The following CTSG variants were observed in gnomAD, a reference collection of about 807,000 sequenced individuals.
The protein encoded by CTSG is cathepsin G.
A neutral mutation model predicts 23.0 loss-of-function variants in CTSG; 23 were observed. The observed-to-expected ratio is 1.00, with a 90% confidence interval of 0.72 to 1.42. The LOEUF is 1.42. CTSG is among the 40% of genes most tolerant of loss of function. The pLI is 0.00. For synonymous variants in CTSG, 140 were observed against 130.4 expected (o/e 1.07, Z -0.50); for missense variants, 312 against 326.2 (o/e 0.96, Z 0.33).
intron 4 of CTSG, 28 bp from the exon 5 acceptor site, chr14:24,573,838 G>A: frequency 6.3e-7 from 1 of 1,596,304 alleles, no homozygotes; most frequent in African/African-American, 1.3e-5. Context: ...AAGGGAGACT[G>A]AGACAGGCCT....
rs2066729454 is a variant in CTSG at position 24,574,277 on chromosome 14, C to G, written c.562G>C (p.Gly188Arg). 1 of 1,600,150 alleles carries G rather than the reference C, an allele frequency of 6.2e-7. No individual in the cohort carries two copies. Among genetic ancestry groups the G allele is most frequent in the African/African-American group, 1.3e-5 (1 of 74,924 alleles). The change falls in exon 4 of 5, where the codon GGG becomes CGG. Residue 188 changes from glycine (G) to arginine (R), a missense_variant. Transcript: ENST00000216336. The part of the protein sequence containing the change: ...SYDPRRQICV[G>R]DRRERKAAFK... ...GCAGCCTTCCGTTCCCGCCGGTCCC[C>G]CACACAAATCTGCCTTCGGGGGTCG...
At position 24,576,215 on chromosome 14, in the gene CTSG, T is replaced by A. The variant is rs755472330; in HGVS notation, c.9A>T (p.Pro3=). The change falls in exon 1 of 5, where the codon CCA becomes CCT. Residue 3 remains proline, a synonymous_variant. Coordinates refer to ENST00000216336, the MANE Select transcript of CTSG (RefSeq NM_001911.3). The stretch of plus-strand genomic sequence containing the variant: ...GGAGAAAGGCCAGCAGAAGCAGGAG[T>A]GGCTGCATCTTTCCTGAAAGGCTGC... The part of the protein sequence containing the change: MQ[P]LLLLLAFLLP... 1.2e-5 allele frequency: 20 copies of A among 1,607,732 alleles called. 2 individuals are homozygous for A. In the South Asian group the frequency reaches 2.0e-4, roughly 16 times the overall value.
chr14:24,575,411 C>G lies in CTSG; in HGVS notation c.57G>C (p.Gly19=). The G allele has an allele frequency of 4.3e-6, 7 of 1,614,142 alleles. No individual in the cohort carries two copies. The highest frequency in any genetic ancestry group is 5.9e-6 in the Non-Finnish European group (7 of 1,180,034). The change falls in exon 2 of 5, where the codon GGG becomes GGC. Residue 19 remains glycine, a splice_region_variant and synonymous_variant. Coordinates refer to ENST00000216336, the MANE Select transcript of CTSG (RefSeq NM_001911.3). ...TGCTCTCCCGGCCTCCGATGATCTC[C>G]CCTGGAAGGAAGCATTTGGCACTTA... is the stretch of plus-strand genomic sequence containing the variant. The part of the protein sequence containing the change: ...AFLLPTGAEA[G]EIIGGRESRP...
chr14:24,575,561 T>C (rs1170259149), intron 1 of CTSG, 149 bp from the exon 2 acceptor site: 2 of 815,620 alleles, frequency 2.5e-6, no homozygotes, highest in African/African-American at 3.4e-5. Context: ...TTGGAGTCTA[T>C]GGGGCAGCAG....
chr14:24,573,819 A>G lies in CTSG; in HGVS notation c.595-9T>C. The G allele has an allele frequency of 1.2e-6, 2 of 1,611,622 alleles. No individual in the cohort carries two copies. The highest frequency in any genetic ancestry group is 2.2e-5 in the East Asian group (1 of 44,854). On this transcript the variant is annotated splice_polypyrimidine_tract_variant and intron_variant, in intron 4 of 4. Transcript: ENST00000216336. ...GGGCCTCCGGAATCCCCCTGTAGGTAGAGAGGAGAAGGGAGACTGAGACAG... is the reference window on the plus strand; with the variant it reads ...GGGCCTCCGGAATCCCCCTGTAGGTGGAGAGGAGAAGGGAGACTGAGACAG...
In CTSG at chr14:24,575,430, G is replaced by A; in HGVS notation, c.56-18C>T. The A allele has an allele frequency of 1.9e-6, 3 of 1,613,860 alleles. No homozygotes were observed. The highest frequency in any genetic ancestry group is 2.5e-6 in the Non-Finnish European group (3 of 1,179,980). Reference sequence around the variant, plus strand: ...GATCTCCCCTGGAAGGAAGCATTTGGCACTTAGCTCTATGCTTGCTGAACC... The same window carrying A: ...GATCTCCCCTGGAAGGAAGCATTTGACACTTAGCTCTATGCTTGCTGAACC... On this transcript the variant is annotated intron_variant, in intron 1 of 4. Transcript: ENST00000216336.
chr14:24,575,440 CT>C lies in CTSG; in HGVS notation c.56-29del, dbSNP rs756051936. 1.9e-6 allele frequency: 3 copies of C among 1,613,310 alleles called. No individual in the cohort carries two copies. The East Asian group carries it at 6.7e-5, about 36-fold the overall frequency. On this transcript the variant is annotated intron_variant, in intron 1 of 4. Transcript: ENST00000216336. ...GGAAGGAAGCATTTGGCACTTAGCT[CT>C]ATGCTTGCTGAACCTGCAATGTGGG...
rs2066729323 is a variant in CTSG at position 24,574,267 on chromosome 14, C to T, written c.572G>A (p.Arg191Gln). The T allele has an allele frequency of 6.3e-7, 1 of 1,599,908 alleles. No homozygotes were observed. Among genetic ancestry groups the T allele is most frequent in the Non-Finnish European group, 8.5e-7 (1 of 1,179,946 alleles). ...TACCTTGAAGGCAGCCTTCCGTTCCCGCCGGTCCCCCACACAAATCTGCCT... is the reference window on the plus strand; with the variant it reads ...TACCTTGAAGGCAGCCTTCCGTTCCTGCCGGTCCCCCACACAAATCTGCCT... ...PRRQICVGDR[R>Q]ERKAAFKGDS... Residue 191 changes from arginine (R) to glutamine (Q), a missense_variant, in exon 4 of 5, where the codon CGG becomes CAG. By Grantham distance (43) the Arg-to-Gln change is conservative (BLOSUM62 1). Transcript: ENST00000216336.
rs367993614 is a variant in CTSG at position 24,575,423 on chromosome 14, G to A, written c.56-11C>T. On this transcript the variant is annotated splice_polypyrimidine_tract_variant and intron_variant, in intron 1 of 4. Coordinates refer to ENST00000216336, the MANE Select transcript of CTSG (RefSeq NM_001911.3). ...CTCCGATGATCTCCCCTGGAAGGAA[G>A]CATTTGGCACTTAGCTCTATGCTTG... 51 of 1,614,020 alleles carry A rather than the reference G, an allele frequency of 3.2e-5. No individual in the cohort carries two copies. The African/African-American group carries it at 5.6e-4, about 18-fold the overall frequency.
rs770999519 is a variant in CTSG, at chr14:24,574,695, T to A, written c.319A>T (p.Asn107Tyr). 4.3e-6 allele frequency: 7 copies of A among 1,613,980 alleles called. No individual in the cohort carries two copies. The Admixed American group carries it at 1.2e-4, about 27-fold the overall frequency. Residue 107 changes from asparagine to tyrosine, a missense_variant, in exon 3 of 5, where the codon AAT (asparagine) becomes TAT (tyrosine). By Grantham distance (143) the Asn-to-Tyr change is moderately radical. Transcript: ENST00000216336. ...GGTACCTGCAATAACATGATGTCAT[T>A]CTGGATGGTCCGCTGATTATATTGA... ...HPQYNQRTIQ[N>Y]DIMLLQLSRR...
rs371809135 is a variant in CTSG at position 24,573,576 on chromosome 14, C to T, written c.*61G>A. 9.5e-5 allele frequency: 141 copies of T among 1,477,628 alleles called. 1 individual carries two copies. The African/African-American group carries it at 1.6e-3, about 17-fold the overall frequency. 91.5% of individuals were successfully genotyped at this position (1,477,628 alleles called of 1,614,324 possible). ...GAATTGGTTATTTATACTCTGTGGA[C>T]GTTTATTAAGGCTCTGGCAACACTG... On this transcript the variant is annotated 3_prime_UTR_variant, in exon 5 of 5. Coordinates refer to ENST00000216336, the MANE Select transcript of CTSG (RefSeq NM_001911.3).
Position 24,574,456 on chromosome 14 carries a change from G to A in CTSG, c.383C>T (p.Ala128Val). ...CAGTCCCTCCTGGGCTCTAGGCAGAGCCACTGGGTTCACGTTTCGATTCCG... is the reference window on the plus strand; with the variant it reads ...CAGTCCCTCCTGGGCTCTAGGCAGAACCACTGGGTTCACGTTTCGATTCCG... ...VRRNRNVNPV[A>V]LPRAQEGLRP... The change falls in exon 4 of 5, where the codon GCT becomes GTT. Residue 128 changes from alanine to valine, a missense_variant. By Grantham distance (64) the Ala-to-Val change is moderately conservative. Transcript: ENST00000216336. 1.2e-6 allele frequency: 2 copies of A among 1,613,974 alleles called. No homozygotes were observed. Among genetic ancestry groups the A allele is most frequent in the Non-Finnish European group, 1.7e-6 (2 of 1,180,032 alleles).
At chr14:24,575,822 C>T (rs935794684) in intron 1 of CTSG, among the ~76,000 whole-genome samples, 1 of 152,136 alleles carries the variant, frequency 6.6e-6, no homozygotes, top group Non-Finnish European at 1.5e-5. Flanking sequence ...TTCAAGACCA[C>T]GTGGGACTGG....
chr14:24,575,410 C>G lies in CTSG; in HGVS notation c.58G>C (p.Glu20Gln). The stretch of plus-strand genomic sequence containing the variant: ...CTGCTCTCCCGGCCTCCGATGATCT[C>G]CCCTGGAAGGAAGCATTTGGCACTT... ...FLLPTGAEAGEIIGGRESRPH... is the reference protein window; with the variant it reads ...FLLPTGAEAGQIIGGRESRPH... Residue 20 changes from glutamate (E) to glutamine (Q), a missense_variant and splice_region_variant, in exon 2 of 5, where the codon GAG becomes CAG. Physicochemically the swap from Glu to Gln is conservative, Grantham distance 29. Coordinates refer to ENST00000216336, the MANE Select transcript of CTSG (RefSeq NM_001911.3). The G allele has an allele frequency of 6.2e-7, 1 of 1,614,116 alleles. No individual in the cohort carries two copies. The highest frequency in any genetic ancestry group is 8.5e-7 in the Non-Finnish European group (1 of 1,180,032).
intron 1 of CTSG, 109 bp from the exon 2 acceptor site, chr14:24,575,521 T>C: frequency 8.4e-7 from 1 of 1,188,202 alleles, no homozygotes; most frequent in Non-Finnish European, 1.2e-6. Context: ...GGAGAGAGGG[T>C]GCAGGAGAGG....
intron 4 of CTSG, 30 bp downstream of exon 4, chr14:24,574,215 G>C (rs1465526260): frequency 6.3e-7 from 1 of 1,598,404 alleles, no homozygotes. Context: ...CCTCTCTCCC[G>C]GGGTGTGTTG....
Position 24,574,411 on chromosome 14 carries a change from G to C in CTSG, c.428C>G (p.Thr143Ser), listed in dbSNP as rs1231030055. 3.1e-6 allele frequency: 5 copies of C among 1,613,288 alleles called. No homozygotes were observed. Among genetic ancestry groups the C allele is most frequent in the Non-Finnish European group, 4.2e-6 (5 of 1,180,032 alleles). Residue 143 changes from threonine to serine, a missense_variant, in exon 4 of 5, where the codon ACT (threonine) becomes AGT (serine). By Grantham distance (58) the Thr-to-Ser change is moderately conservative (BLOSUM62 1). Coordinates refer to ENST00000216336, the MANE Select transcript of CTSG (RefSeq NM_001911.3). ...GCTGACCCTGCCCCAGCCGGCCACA[G>C]TGCACAGCGTCCCGGGTCTCAGTCC... is the stretch of plus-strand genomic sequence containing the variant. ...QEGLRPGTLCTVAGWGRVSMR... is the reference protein window; with the variant it reads ...QEGLRPGTLCSVAGWGRVSMR...
At chr14:24,575,800 C>T (rs2066739221) in intron 1 of CTSG, among the ~76,000 whole-genome samples, 1 of 152,102 alleles carries the variant, frequency 6.6e-6, no homozygotes, top group Admixed American at 6.5e-5. Flanking sequence ...TCCCAGAGCC[C>T]TCTGAGTCCA....
rs865944750 is a variant in CTSG, at chr14:24,574,294, C to T, written c.545G>A (p.Arg182Gln). The T allele has an allele frequency of 1.9e-6, 3 of 1,600,830 alleles. No homozygotes were observed. The highest frequency in any genetic ancestry group is 2.5e-6 in the Non-Finnish European group (3 of 1,179,948). Residue 182 changes from arginine (R) to glutamine (Q), a missense_variant, in exon 4 of 5, where the codon CGA becomes CAA. By Grantham distance (43) the Arg-to-Gln change is conservative. Coordinates refer to ENST00000216336, the MANE Select transcript of CTSG (RefSeq NM_001911.3). ...CCGGTCCCCCACACAAATCTGCCTT[C>T]GGGGGTCGTAGGAACCGAAGATGCG... ...CLRIFGSYDP[R>Q]RQICVGDRRE...
Sources: gnomAD v4.1 joint callset for allele counts (sites outside exome capture counted in the v4.1 genomes callset) on GRCh38, gnomAD v4.1.1 for gene constraint, MANE v1.5 for transcripts, NCBI Gene and HGNC (gene_info 2026-07-23, HGNC 2026-07-21) for gene names.